SPIN1: variants seen among roughly 807,000 people sequenced by gnomAD.
The protein encoded by SPIN1 is spindlin-1.
SPIN1 carries 3 observed loss-of-function variants against 26.0 expected under a neutral mutation model. That is an observed-to-expected ratio of 0.12 (90% confidence interval 0.05 to 0.30). SPIN1 has a LOEUF of 0.30. SPIN1 is among the 10% of genes least tolerant of loss of function. The probability of loss-of-function intolerance (pLI) is 1.00; values close to 1 mark genes in which losing one functional copy is unlikely to be tolerated. For synonymous variants in SPIN1, 101 were observed against 116.5 expected, an observed-to-expected ratio of 0.87 and a Z score of 0.86; for missense variants, 126 against 333.4, an observed-to-expected ratio of 0.38 and a Z score of 4.84.
At chr9:88,466,115 A>G (rs561192697) in intron 4 of SPIN1, among the ~76,000 whole-genome samples, 5 of 152,342 alleles carry the variant, frequency 3.3e-5, no homozygotes, top group Admixed American at 1.3e-4. Flanking sequence ...GGCATTATCT[A>G]TGTAAACAGA....
intron 3 of SPIN1, 140 bp from the exon 4 acceptor site, chr9:88,462,356 G>C (rs893786499): frequency 4.2e-6 from 5 of 1,201,656 alleles, no homozygotes; most frequent in Non-Finnish European, 5.8e-6. Context: ...TGAGTCACCT[G>C]AAGCAGGAAT....
intron 5 of SPIN1, among the ~76,000 whole-genome samples, chr9:88,474,032 G>T (rs1188103159): frequency 6.6e-6 from 1 of 152,220 alleles, no homozygotes; most frequent in Non-Finnish European, 1.5e-5. Flanking sequence ...TTCAGTGAGA[G>T]AATTTATTGT....
At chr9:88,472,352 A>T (rs1054035833) in intron 5 of SPIN1, among the ~76,000 whole-genome samples, 12 of 152,234 alleles carry the variant, frequency 7.9e-5, no homozygotes, top group African/African-American at 2.9e-4. Context: ...CTCCTGCCTC[A>T]GCCTCCCGGG....
chr9:88,414,103 A>G (rs900632403), intron 1 of SPIN1, among the ~76,000 whole-genome samples: 2 of 152,106 alleles, frequency 1.3e-5, no homozygotes, highest in Non-Finnish European at 2.9e-5. Context: ...AAGGTCTCAG[A>G]TATGAAGTGT....
At chr9:88,415,657 A>G (rs912971494) in intron 1 of SPIN1, 2 of 152,184 alleles carry the variant, frequency 1.3e-5, no homozygotes, top group African/African-American at 4.8e-5. Flanking sequence ...CCTGGACTCA[A>G]GTGATCTTCC....
At chr9:88,469,682 T>C (rs935467488) in intron 5 of SPIN1, among the ~76,000 whole-genome samples, 2 of 152,084 alleles carry the variant, frequency 1.3e-5, no homozygotes, top group African/African-American at 4.8e-5. Context: ...ACCTGGTTAA[T>C]TTTTGTTTGT....
chr9:88,438,223 C>T (rs929547892), intron 2 of SPIN1, among the ~76,000 whole-genome samples: 3 of 151,664 alleles, frequency 2.0e-5, no homozygotes, highest in Admixed American at 2.0e-4. Context: ...GTAAGCACTG[C>T]TTTTGCTCAG....
intron 1 of SPIN1, among the ~76,000 whole-genome samples, chr9:88,403,456 C>T (rs1294215079): frequency 6.6e-6 from 1 of 152,142 alleles, no homozygotes; most frequent in Non-Finnish European, 1.5e-5. Context: ...TCACTGTAAT[C>T]CCAGCAGTTT....
At chr9:88,409,545 C>A in intron 1 of SPIN1, among the ~76,000 whole-genome samples, 1 of 151,684 alleles carries the variant, frequency 6.6e-6, no homozygotes, top group African/African-American at 2.4e-5. Context: ...TGAAATTGAG[C>A]TACACGACGG....
intron 1 of SPIN1, among the ~76,000 whole-genome samples, chr9:88,417,290 C>T (rs1024832727): frequency 6.6e-6 from 1 of 152,074 alleles, no homozygotes; most frequent in Non-Finnish European, 1.5e-5. Context: ...CACAACACTT[C>T]TGTGATCAAA....
At chr9:88,415,294 A>T (rs560459236) in intron 1 of SPIN1, among the ~76,000 whole-genome samples, 188 of 152,282 alleles carry the variant, frequency 1.2e-3, no homozygotes, top group Non-Finnish European at 2.1e-3. Flanking sequence ...CAGGATCCTT[A>T]AGTAGCTGAA....
At chr9:88,461,836 A>C (rs1453634526) in intron 3 of SPIN1, among the ~76,000 whole-genome samples, 1 of 152,202 alleles carries the variant, frequency 6.6e-6, no homozygotes, top group African/African-American at 2.4e-5. Context: ...CCAGAAAAAA[A>C]GTAGTTTGAT....
At chr9:88,409,005 G>A (rs1422795435) in intron 1 of SPIN1, among the ~76,000 whole-genome samples, 1 of 145,400 alleles carries the variant, frequency 6.9e-6, no homozygotes, top group Non-Finnish European at 1.5e-5. Flanking sequence ...GTGTGTGTGT[G>A]TGTGTTTGAG....
At chr9:88,405,913 G>T (rs138378344) in intron 1 of SPIN1, among the ~76,000 whole-genome samples, 1 of 152,084 alleles carries the variant, frequency 6.6e-6, no homozygotes, top group East Asian at 1.9e-4. Context: ...TTGGCTCACT[G>T]CAACCTCTGC....
chr9:88,411,227 A>G (rs1050204460), intron 1 of SPIN1: 7 of 1,168,940 alleles, frequency 6.0e-6, no homozygotes, highest in Non-Finnish European at 6.3e-6. Flanking sequence ...TCTTCTGTTC[A>G]CCTTGTGTGG....
intron 2 of SPIN1, among the ~76,000 whole-genome samples, chr9:88,431,329 G>A (rs1010337367): frequency 6.9e-6 from 1 of 145,918 alleles, no homozygotes; most frequent in Non-Finnish European, 1.5e-5. Flanking sequence ...GAGCTCTGTC[G>A]GCCTGGGCTG....
chr9:88,404,527 A>T (rs540795151), intron 1 of SPIN1, among the ~76,000 whole-genome samples: 2 of 152,312 alleles, frequency 1.3e-5, no homozygotes, highest in African/African-American at 4.8e-5. Flanking sequence ...CATTGTACAG[A>T]TGTATAGAAA....
At chr9:88,424,407 G>A (rs1171445014) in intron 1 of SPIN1, among the ~76,000 whole-genome samples, 1 of 152,092 alleles carries the variant, frequency 6.6e-6, no homozygotes, top group Non-Finnish European at 1.5e-5. Flanking sequence ...TATGTTGTAA[G>A]CACTCTAGGA....
At chr9:88,420,029 C>T (rs187652303) in intron 1 of SPIN1, among the ~76,000 whole-genome samples, 2 of 152,320 alleles carry the variant, frequency 1.3e-5, no homozygotes, top group Non-Finnish European at 2.9e-5. Flanking sequence ...GACCAATCCG[C>T]TTTTTGTTCT....
Sources: allele counts gnomAD v4.1 joint callset (sites outside exome capture counted in the v4.1 genomes callset), GRCh38; gene constraint gnomAD v4.1.1; transcripts MANE v1.5; gene names NCBI Gene and HGNC (gene_info 2026-07-23, HGNC 2026-07-21).